Variants in ITPR2 observed in about 807,000 individuals in gnomAD.
ITPR2 encodes the protein inositol 1,4,5-trisphosphate receptor type 2.
A neutral mutation model predicts 317.1 loss-of-function variants in ITPR2; 207 were observed. The ratio of observed to expected loss-of-function variants is 0.65; its 90% CI spans 0.58 to 0.73. The LOEUF is 0.73. Ranked by LOEUF, ITPR2 falls within the 30% of genes least tolerant of loss-of-function variation. The pLI is 0.00. For missense variants in ITPR2, 2,613 were observed against 3,284.0 expected (o/e 0.80, Z 4.99); for synonymous variants, 1,156 against 1,149.1 (o/e 1.01, Z -0.12).
intron 44 of ITPR2, among the ~76,000 whole-genome samples, chr12:26,475,661 A>G (rs1234536638): frequency 6.6e-6 from 1 of 152,168 alleles, no homozygotes; most frequent in Non-Finnish European, 1.5e-5. Context: ...AGTTCCCATG[A>G]ATTAGGAGAA....
At chr12:26,453,643 G>C (rs1941798492) in intron 45 of ITPR2, among the ~76,000 whole-genome samples, 1 of 152,008 alleles carries the variant, frequency 6.6e-6, no homozygotes. Flanking sequence ...GAAATTTCTG[G>C]GTCTCACTAT....
At chr12:26,363,463 C>T (rs1434797337) in intron 55 of ITPR2, among the ~76,000 whole-genome samples, 1 of 152,172 alleles carries the variant, frequency 6.6e-6, no homozygotes, top group Non-Finnish European at 1.5e-5. Context: ...ACCCCCTCAC[C>T]CCCGATCCCA....
intron 8 of ITPR2, among the ~76,000 whole-genome samples, chr12:26,712,621 T>A (rs1948666809): frequency 6.9e-6 from 1 of 145,414 alleles, no homozygotes; most frequent in Non-Finnish European, 1.5e-5. Flanking sequence ...TAAAATCTAA[T>A]GTTTGTCTCA....
intron 13 of ITPR2, among the ~76,000 whole-genome samples, chr12:26,672,144 C>A (rs1325879151): frequency 1.3e-5 from 2 of 152,044 alleles, no homozygotes; most frequent in Non-Finnish European, 2.9e-5. Context: ...AGATCAATGA[C>A]ACAGAAAGTT....
chr12:26,370,479 A>G (rs1433643810), intron 55 of ITPR2, among the ~76,000 whole-genome samples: 1 of 152,188 alleles, frequency 6.6e-6, no homozygotes, highest in African/African-American at 2.4e-5. Flanking sequence ...TCTCCTAAAC[A>G]ATGAGCAAAT....
At chr12:26,478,469 T>C (rs1033706105) in intron 43 of ITPR2, among the ~76,000 whole-genome samples, 8 of 152,054 alleles carry the variant, frequency 5.3e-5, no homozygotes, top group Non-Finnish European at 8.8e-5. Context: ...AGCTAAAACC[T>C]TGGCAACACT....
chr12:26,746,822 ATG>A lies in ITPR2; in HGVS notation c.164-21059_164-21058del, dbSNP rs34449902. 2.2e-3 allele frequency among the ~76,000 whole-genome samples: 332 copies of A among 147,634 alleles called. 2 individuals carry two copies. The highest frequency in any genetic ancestry group is 5.8e-3 in the African/African-American group (234 of 40,164). ...GTGTTCTCTTATCAGGGGTGCATGC[ATG>A]TGTGTGTGTGTGTGTGTGTGTGTGT... On this transcript the variant is annotated intron_variant, in intron 2 of 56. Transcript: ENST00000381340.
intron 47 of ITPR2, among the ~76,000 whole-genome samples, chr12:26,438,781 A>G (rs1941419363): frequency 6.6e-6 from 1 of 152,212 alleles, no homozygotes; most frequent in Non-Finnish European, 1.5e-5. Context: ...TCTCAATCCT[A>G]TTCACTGATA....
intron 52 of ITPR2, among the ~76,000 whole-genome samples, chr12:26,405,279 C>T (rs574120364): frequency 2.6e-4 from 39 of 152,250 alleles, no homozygotes; most frequent in Non-Finnish European, 5.4e-4. Context: ...CTATGAAGAA[C>T]TTAGAACAGT....
At chr12:26,475,544 T>C (rs1942398109) in intron 44 of ITPR2, 126 bp from the exon 45 acceptor site, 2 of 977,012 alleles carry the variant, frequency 2.0e-6, no homozygotes, top group Admixed American at 2.9e-5. Flanking sequence ...TAAATGAAAA[T>C]GGCCTTGGAA....
intron 1 of ITPR2, among the ~76,000 whole-genome samples, chr12:26,799,029 A>T (rs1950507696): frequency 6.6e-6 from 1 of 152,202 alleles, no homozygotes; most frequent in South Asian, 2.1e-4. Context: ...ATTTTTAGAC[A>T]TGTCTAATTT....
At chr12:26,783,264 T>C (rs1190436810) in intron 2 of ITPR2, among the ~76,000 whole-genome samples, 1 of 152,238 alleles carries the variant, frequency 6.6e-6, no homozygotes, top group Non-Finnish European at 1.5e-5. Flanking sequence ...GGCCCCATGG[T>C]AGGCATGGTA....
At chr12:26,513,762 AC>A (rs1943418430) in intron 37 of ITPR2, among the ~76,000 whole-genome samples, 1 of 151,796 alleles carries the variant, frequency 6.6e-6, no homozygotes, top group African/African-American at 2.4e-5. Context: ...ACACACACAC[AC>A]ACACACACAC....
chr12:26,530,812 T>G (rs1321055766), intron 37 of ITPR2, among the ~76,000 whole-genome samples: 1 of 152,228 alleles, frequency 6.6e-6, no homozygotes, highest in Non-Finnish European at 1.5e-5. Context: ...AGAACTATTT[T>G]CTTTTCTCAT....
intron 5 of ITPR2, among the ~76,000 whole-genome samples, chr12:26,721,018 T>C (rs1203351769): frequency 2.6e-5 from 4 of 152,118 alleles, no homozygotes; most frequent in Admixed American, 2.6e-4. Context: ...AGGGATACTA[T>C]TCAGTGGAGG....
intron 2 of ITPR2, among the ~76,000 whole-genome samples, chr12:26,755,441 T>G (rs758016652): frequency 6.6e-6 from 1 of 152,228 alleles, no homozygotes; most frequent in African/African-American, 2.4e-5. Context: ...ACTGAACCAA[T>G]AGAAGTCTAA....
intron 1 of ITPR2, among the ~76,000 whole-genome samples, chr12:26,830,295 A>C (rs1951080226): frequency 6.6e-6 from 1 of 152,272 alleles, no homozygotes; most frequent in Non-Finnish European, 1.5e-5. Context: ...TCAGTTCATT[A>C]ATAGAAAAAC....
chr12:26,747,133 T>C (rs182829003), intron 2 of ITPR2, among the ~76,000 whole-genome samples: 23 of 152,312 alleles, frequency 1.5e-4, no homozygotes, highest in African/African-American at 5.1e-4. Flanking sequence ...AGACTTTCCA[T>C]TGTACATAAA....
intron 31 of ITPR2, among the ~76,000 whole-genome samples, 172 bp from the exon 32 acceptor site, chr12:26,595,762 C>A (rs1945826416): frequency 6.6e-6 from 1 of 152,146 alleles, no homozygotes; most frequent in African/African-American, 2.4e-5. Flanking sequence ...GTCCACTGAC[C>A]TAAGGGTGAA....
Sources: allele counts gnomAD v4.1 joint callset (sites outside exome capture counted in the v4.1 genomes callset), GRCh38; gene constraint gnomAD v4.1.1; transcripts MANE v1.5; gene names NCBI Gene and HGNC (gene_info 2026-07-23, HGNC 2026-07-21).